The following VEPH1 variants were observed in gnomAD, a reference collection of about 807,000 sequenced individuals.
VEPH1 encodes ventricular zone-expressed PH domain-containing protein homolog 1.
Under a neutral mutation model 85.2 loss-of-function variants are expected in VEPH1, and 80 were observed. That is an observed-to-expected ratio of 0.94 (90% CI 0.78 to 1.13). The LOEUF is 1.13. Among genes scored for constraint, VEPH1 ranks in the 50% most tolerant of loss-of-function variants. The pLI is 0.00. For synonymous variants in VEPH1, 297 were observed against 348.0 expected, an observed-to-expected ratio of 0.85 and a Z score of 1.63; for missense variants, 955 against 980.5, an observed-to-expected ratio of 0.97 and a Z score of 0.35.
rs1192219006 is a variant in VEPH1, at chr3:157,260,401, T to C, written c.*733A>G. 6.6e-6 allele frequency: 1 copy of C among 152,206 alleles called. No homozygotes were observed. The highest frequency in any genetic ancestry group is 2.4e-5 in the African/African-American group (1 of 41,470). 9.4% of individuals were successfully genotyped at this position (152,206 alleles called of 1,614,324 possible). On this transcript the variant is annotated 3_prime_UTR_variant, in exon 14 of 14. Transcript: ENST00000362010. ...AATTTTAACGGAGATGGCACATTAT[T>C]TTGAAGATAGAGAAAATGGCTTTCT...
chr3:157,433,545 G>C (rs1733327919), intron 4 of VEPH1, among the ~76,000 whole-genome samples: 1 of 152,094 alleles, frequency 6.6e-6, no homozygotes, highest in Admixed American at 6.5e-5. Flanking sequence ...TGCAGTCTTG[G>C]AATAAACTCA....
chr3:157,477,897 A>T (rs1027225768), intron 2 of VEPH1, among the ~76,000 whole-genome samples: 1 of 152,176 alleles, frequency 6.6e-6, no homozygotes, highest in African/African-American at 2.4e-5. Flanking sequence ...TTCTTATTAT[A>T]AATTTCCTTA....
chr3:157,303,222 C>A (rs1577288250), intron 11 of VEPH1, among the ~76,000 whole-genome samples: 1 of 152,140 alleles, frequency 6.6e-6, no homozygotes, highest in Non-Finnish European at 1.5e-5. Flanking sequence ...GAAAACTTGT[C>A]TGACATCTGC....
intron 2 of VEPH1, among the ~76,000 whole-genome samples, chr3:157,488,307 C>G (rs1223831856): frequency 6.6e-6 from 1 of 152,102 alleles, no homozygotes; most frequent in East Asian, 1.9e-4. Context: ...GGCTTTCAGT[C>G]TGACCCATCC....
At chr3:157,291,203 G>C (rs1181129699) in intron 11 of VEPH1, among the ~76,000 whole-genome samples, 1 of 152,168 alleles carries the variant, frequency 6.6e-6, no homozygotes, top group Non-Finnish European at 1.5e-5. Flanking sequence ...ATGTAAGCAA[G>C]TATTTTTAAA....
At chr3:157,300,768 T>A (rs1718698142) in intron 11 of VEPH1, among the ~76,000 whole-genome samples, 1 of 152,212 alleles carries the variant, frequency 6.6e-6, no homozygotes, top group Non-Finnish European at 1.5e-5. Flanking sequence ...TGCAATCACT[T>A]AATATAATGG....
intron 4 of VEPH1, among the ~76,000 whole-genome samples, chr3:157,438,213 T>TA (rs1733824175): frequency 2.6e-5 from 4 of 152,056 alleles, no homozygotes; most frequent in Admixed American, 2.6e-4. Flanking sequence ...AATAGACGTC[T>TA]AGGGCCCCTT....
intron 11 of VEPH1, among the ~76,000 whole-genome samples, chr3:157,300,542 T>G (rs182894532): frequency 1.8e-4 from 27 of 152,324 alleles, no homozygotes; most frequent in Non-Finnish European, 1.0e-4. Context: ...AAAAAGCATA[T>G]GTATAGTATA....
intron 4 of VEPH1, among the ~76,000 whole-genome samples, chr3:157,447,076 T>G (rs527294890): frequency 2.9e-4 from 44 of 152,334 alleles, no homozygotes; most frequent in African/African-American, 1.0e-3. Flanking sequence ...CAAGTTGTTT[T>G]CAGTGGATTG....
chr3:157,457,489 C>T (rs1182307299), intron 4 of VEPH1, among the ~76,000 whole-genome samples: 1 of 152,146 alleles, frequency 6.6e-6, no homozygotes, highest in African/African-American at 2.4e-5. Context: ...CCAGCTTTTG[C>T]CCATTCAGTA....
intron 9 of VEPH1, among the ~76,000 whole-genome samples, chr3:157,319,105 A>G (rs1219951429): frequency 6.6e-6 from 1 of 152,168 alleles, no homozygotes; most frequent in African/African-American, 2.4e-5. Context: ...GGTCTTGGAA[A>G]CCAAACAATA....
chr3:157,318,624 CA>C (rs1300574382), intron 9 of VEPH1, among the ~76,000 whole-genome samples: 503 of 50,194 alleles, frequency 0.01, 3 homozygotes, highest in African/African-American at 0.027. Flanking sequence ...CAAAACAAAA[CA>C]AAAAAAAAAA....
chr3:157,332,082 G>A (rs1387870287), intron 9 of VEPH1, among the ~76,000 whole-genome samples: 6 of 152,174 alleles, frequency 3.9e-5, no homozygotes, highest in African/African-American at 7.2e-5. Context: ...TGGTGCTTGC[G>A]GCTACTGCTG....
intron 11 of VEPH1, among the ~76,000 whole-genome samples, chr3:157,294,258 A>G (rs1294080179): frequency 6.6e-6 from 1 of 151,850 alleles, no homozygotes; most frequent in Non-Finnish European, 1.5e-5. Flanking sequence ...TTTTTCCTTT[A>G]TCCCTAATAC....
intron 12 of VEPH1, among the ~76,000 whole-genome samples, chr3:157,276,430 T>C (rs981254295): frequency 6.6e-6 from 1 of 152,202 alleles, no homozygotes; most frequent in Non-Finnish European, 1.5e-5. Flanking sequence ...TGGGATAGGG[T>C]GAGAAGCCTT....
intron 11 of VEPH1, among the ~76,000 whole-genome samples, chr3:157,302,405 A>G (rs1718905676): frequency 6.6e-6 from 1 of 152,150 alleles, no homozygotes. Flanking sequence ...CTATCCCCCA[A>G]GGTGATACCA....
intron 4 of VEPH1, chr3:157,437,897 G>A (rs1194342137): frequency 3.9e-6 from 6 of 1,521,450 alleles, no homozygotes; most frequent in African/African-American, 1.4e-5. Flanking sequence ...TGGGCTGCCC[G>A]GAGCTGGCTG....
chr3:157,388,009 AT>A (rs1324065486), intron 6 of VEPH1, among the ~76,000 whole-genome samples: 11 of 152,186 alleles, frequency 7.2e-5, no homozygotes, highest in African/African-American at 2.7e-4. Flanking sequence ...ATGTAAAAAA[AT>A]AATAATATAT....
chr3:157,431,996 TG>T (rs943870822), intron 4 of VEPH1, among the ~76,000 whole-genome samples: 4 of 151,842 alleles, frequency 2.6e-5, no homozygotes, highest in Non-Finnish European at 4.4e-5. Flanking sequence ...TACAGGTGCC[TG>T]CCAACACACC....
Sources: gnomAD v4.1 joint callset for allele counts (sites outside exome capture counted in the v4.1 genomes callset) on GRCh38, gnomAD v4.1.1 for gene constraint, MANE v1.5 for transcripts, NCBI Gene and HGNC (gene_info 2026-07-23, HGNC 2026-07-21) for gene names.